PCSK5: variants seen among roughly 807,000 people sequenced by gnomAD.
PCSK5 encodes prohormone convertase 5.
A neutral mutation model predicts 233.2 loss-of-function variants in PCSK5; 129 were observed. The observed-to-expected ratio is 0.55, with a 90% CI of 0.48 to 0.64. The LOEUF (loss-of-function observed/expected upper bound fraction) is 0.64, where lower values mean the gene tolerates loss of function less well. Among genes scored for constraint, PCSK5 ranks in the 30% least tolerant of loss-of-function variants. The pLI is 0.00. For missense variants in PCSK5, 2,076 were observed against 2,430.1 expected (o/e 0.85, Z 3.06); for synonymous variants, 825 against 879.2 (o/e 0.94, Z 1.09).
chr9:75,892,059 C>G lies in PCSK5; in HGVS notation c.192+686C>G, dbSNP rs115861925. ...GGAGTTGTAGTGGGGAGGTGGGAAA[C>G]TTCCGAAACCGGCTGGCTGGGTTCC... On this transcript the variant is annotated intron_variant, in intron 1 of 37. Transcript: ENST00000674117. Among the ~76,000 whole-genome samples the G allele has an allele frequency of 3.5e-3, 528 of 152,288 alleles. 2 individuals carry two copies. The highest frequency in any genetic ancestry group is 6.2e-3 in the Non-Finnish European group (419 of 68,026).
At chr9:76,322,834 A>T (rs12349224) in intron 31 of PCSK5, among the ~76,000 whole-genome samples, 1 of 152,224 alleles carries the variant, frequency 6.6e-6, no homozygotes, top group Non-Finnish European at 1.5e-5. Context: ...TCATTGTGTA[A>T]GTCCAGCACC....
chr9:76,067,923 T>TA, intron 5 of PCSK5, 32 bp from the exon 6 acceptor site: 1 of 1,567,006 alleles, frequency 6.4e-7, no homozygotes, highest in Non-Finnish European at 8.8e-7. Flanking sequence ...TGGTGTGTCT[T>TA]ACTTGAGAAA....
chr9:75,996,815 GTTTT>G (rs35830280), intron 3 of PCSK5, among the ~76,000 whole-genome samples: 3 of 141,372 alleles, frequency 2.1e-5, no homozygotes, highest in African/African-American at 7.8e-5. Flanking sequence ...TGTTAACAAA[GTTTT>G]TTTTTTTTTT....
At chr9:76,171,206 A>G (rs1823316780) in intron 13 of PCSK5, among the ~76,000 whole-genome samples, 1 of 152,188 alleles carries the variant, frequency 6.6e-6, no homozygotes, top group African/African-American at 2.4e-5. Flanking sequence ...ATTAGTTCCC[A>G]GGATCTTCCT....
At chr9:75,985,827 A>G (rs1334534996) in intron 2 of PCSK5, among the ~76,000 whole-genome samples, 2 of 152,224 alleles carry the variant, frequency 1.3e-5, no homozygotes, top group African/African-American at 4.8e-5. Context: ...AAAAATTAAC[A>G]TTACCAATTT....
chr9:76,041,843 G>GGA (rs1554677386), intron 5 of PCSK5, among the ~76,000 whole-genome samples: 13,414 of 131,006 alleles, frequency 0.1, 833 homozygotes, highest in African/African-American at 0.17. Flanking sequence ...TGTCTCAAGG[G>GGA]AAAAAAAAAA....
intron 1 of PCSK5, among the ~76,000 whole-genome samples, chr9:75,920,508 T>C (rs1251656395): frequency 6.6e-6 from 1 of 152,112 alleles, no homozygotes; most frequent in Non-Finnish European, 1.5e-5. Flanking sequence ...TTATTTTAAA[T>C]GCTATAAAGC....
chr9:76,084,654 A>C (rs1264071852), intron 7 of PCSK5, among the ~76,000 whole-genome samples: 1 of 152,186 alleles, frequency 6.6e-6, no homozygotes, highest in South Asian at 2.1e-4. Flanking sequence ...AAAATCATGT[A>C]GGGATTAGAT....
chr9:75,960,977 T>C (rs1459482665), intron 2 of PCSK5, among the ~76,000 whole-genome samples: 4 of 152,108 alleles, frequency 2.6e-5, no homozygotes, highest in African/African-American at 7.2e-5. Flanking sequence ...ATGTCCACAA[T>C]TAGTTAGAAT....
intron 6 of PCSK5, among the ~76,000 whole-genome samples, chr9:76,070,566 TA>T (rs1381102449): frequency 6.6e-6 from 1 of 152,214 alleles, no homozygotes; most frequent in Non-Finnish European, 1.5e-5. Context: ...TTCAACCTAA[TA>T]TTTATATTTT....
intron 1 of PCSK5, among the ~76,000 whole-genome samples, chr9:75,923,261 C>T (rs893411723): frequency 6.6e-6 from 1 of 152,132 alleles, no homozygotes; most frequent in East Asian, 1.9e-4. Context: ...GAGTAATTCT[C>T]CTTCCTTTGG....
chr9:75,965,347 A>G (rs1377110333), intron 2 of PCSK5, among the ~76,000 whole-genome samples: 2 of 21,092 alleles, frequency 9.5e-5, no homozygotes, highest in Non-Finnish European at 3.1e-4. Flanking sequence ...ACTTGATTAC[A>G]GAAGCTGAGA....
At chr9:76,267,396 T>C (rs1198546603) in intron 24 of PCSK5, among the ~76,000 whole-genome samples, 2 of 152,174 alleles carry the variant, frequency 1.3e-5, no homozygotes, top group Non-Finnish European at 1.5e-5. Context: ...AGCAGATAAT[T>C]GTTAGCCTGC....
At chr9:75,957,712 CTAATT>C (rs1402540288) in intron 2 of PCSK5, among the ~76,000 whole-genome samples, 2 of 152,120 alleles carry the variant, frequency 1.3e-5, no homozygotes, top group Non-Finnish European at 2.9e-5. Flanking sequence ...GTTTTCTAAT[CTAATT>C]TGTTACACAT....
intron 7 of PCSK5, among the ~76,000 whole-genome samples, chr9:76,090,153 T>C (rs1448394141): frequency 1.3e-5 from 2 of 152,226 alleles, no homozygotes; most frequent in Admixed American, 1.3e-4. Context: ...CTAGAAAATG[T>C]CATTATTTCC....
intron 21 of PCSK5, among the ~76,000 whole-genome samples, chr9:76,231,544 A>G (rs1031349926): frequency 6.6e-6 from 1 of 152,250 alleles, no homozygotes; most frequent in African/African-American, 2.4e-5. Context: ...AGAACATTGA[A>G]TAGCTTCCTT....
At position 76,185,294 on chromosome 9, in the gene PCSK5, A is replaced by G. The variant is rs953099886; in HGVS notation, c.2282+537A>G. Among the ~76,000 whole-genome samples, 4 of 152,210 alleles carry G rather than the reference A, an allele frequency of 2.6e-5. No individual in the cohort carries two copies. In the East Asian group the frequency reaches 7.7e-4, roughly 29 times the overall value. ...ATGACTTGCTCATTGCTAAAGCTCA[A>G]TAGTTGGTCAACTCTCTAAGAGAAC... On this transcript the variant is annotated intron_variant, in intron 17 of 37. Transcript: ENST00000674117.
chr9:75,891,502 T>C (rs1039795816), intron 1 of PCSK5, 129 bp downstream of exon 1: 13 of 725,426 alleles, frequency 1.8e-5, no homozygotes, highest in Non-Finnish European at 4.4e-6. Context: ...TCTTGGGCGA[T>C]GCTCTGTCTC....
At chr9:75,983,429 AAAGGAGGACATCTT>A (rs1193780883) in intron 2 of PCSK5, among the ~76,000 whole-genome samples, 3 of 152,172 alleles carry the variant, frequency 2.0e-5, no homozygotes, top group African/African-American at 7.2e-5. Context: ...TGGATCTTAT[AAAGGAGGACATCTT>A]TAGACAAAGG....
Sources: allele counts gnomAD v4.1 joint callset (sites outside exome capture counted in the v4.1 genomes callset), GRCh38; gene constraint gnomAD v4.1.1; transcripts MANE v1.5; gene names NCBI Gene and HGNC (gene_info 2026-07-23, HGNC 2026-07-21).